The following SP4 variants were observed in gnomAD, a reference collection of about 807,000 sequenced individuals.
The protein encoded by SP4 is Sp4 transcription factor.
A neutral mutation model predicts 72.8 loss-of-function variants in SP4; 19 were observed. That is an observed-to-expected ratio of 0.26 (90% CI 0.18 to 0.38). SP4 has a LOEUF of 0.38. Ranked by LOEUF, SP4 falls within the 10% of genes least tolerant of loss-of-function variation. SP4 has a pLI of 1.00. For missense variants in SP4, 1,008 were observed against 926.3 expected (o/e 1.09, Z -1.14); for synonymous variants, 395 against 333.1 (o/e 1.19, Z -2.02).
At chr7:21,456,026 A>C (rs1783753916) in intron 3 of SP4, among the ~76,000 whole-genome samples, 2 of 152,152 alleles carry the variant, frequency 1.3e-5, no homozygotes, top group Admixed American at 6.5e-5. Context: ...AGGCTACAGG[A>C]GGAAGTGGGA....
At position 21,512,196 on chromosome 7, in the gene SP4, A is replaced by C. The variant is rs945160323; in HGVS notation, c.*927A>C. On this transcript the variant is annotated 3_prime_UTR_variant, in exon 6 of 6. Transcript: ENST00000222584. The stretch of plus-strand genomic sequence containing the variant: ...GTTTCATATTTTGTAAATATGAGTT[A>C]TGTTGACAATGTGCAGAATTCTTTA... The C allele has an allele frequency of 1.3e-5, 2 of 152,646 alleles. No individual in the cohort carries two copies. The allele number at this position is 152,646 out of a possible 1,614,324, so 9.5% of individuals were successfully genotyped here.
At chr7:21,453,929 C>A (rs1376460125) in intron 3 of SP4, among the ~76,000 whole-genome samples, 1 of 152,180 alleles carries the variant, frequency 6.6e-6, no homozygotes, top group Non-Finnish European at 1.5e-5. Context: ...TAAAATAATT[C>A]TTTAACTCCC....
intron 3 of SP4, among the ~76,000 whole-genome samples, chr7:21,434,241 A>G (rs898020481): frequency 1.3e-5 from 2 of 152,224 alleles, no homozygotes; most frequent in Admixed American, 6.5e-5. Flanking sequence ...CTCAAGGACA[A>G]TGAGCTAAAA....
At chr7:21,501,868 G>C (rs1781871490) in intron 5 of SP4, among the ~76,000 whole-genome samples, 1 of 152,104 alleles carries the variant, frequency 6.6e-6, no homozygotes, top group Non-Finnish European at 1.5e-5. Flanking sequence ...TTTGGCTGAT[G>C]GCATTTAGCT....
Position 21,475,096 on chromosome 7 carries a change from C to A in SP4, c.1679-1983C>A, listed in dbSNP as rs928903575. Among the ~76,000 whole-genome samples the A allele has an allele frequency of 4.0e-5, 6 of 151,736 alleles. No homozygotes were observed. In the South Asian group the frequency reaches 1.1e-3, roughly 27 times the overall value. ...TGCAGCTTTGAAATAACCTCCCCCA[C>A]CCTTTTTTTGTTTTTTGTTTTTTGT... On this transcript the variant is annotated intron_variant, in intron 3 of 5. Transcript: ENST00000222584.
intron 5 of SP4, among the ~76,000 whole-genome samples, chr7:21,498,359 A>G (rs932371867): frequency 6.6e-6 from 1 of 152,208 alleles, no homozygotes; most frequent in East Asian, 1.9e-4. Flanking sequence ...TTGGGGATCT[A>G]CGGGGTCCTG....
chr7:21,513,295 G>GA lies in SP4; in HGVS notation c.*2036dup, dbSNP rs140715082. On this transcript the variant is annotated 3_prime_UTR_variant, in exon 6 of 6. Transcript: ENST00000222584. ...GTATAAAAAAGCTTTGAGATTAAAG[G>GA]AAAAAAAAAATTTTTACACTGTGGT... 0.015 allele frequency: 2,226 copies of GA among 150,744 alleles called. 47 individuals carry two copies. Among genetic ancestry groups the GA allele is most frequent in the African/African-American group, 0.05 (2,073 of 41,094 alleles). 9.3% of individuals were successfully genotyped at this position (150,744 alleles called of 1,614,324 possible). A position where few individuals can be genotyped will look rare whatever the true frequency, so the allele number is the denominator to read the frequency against.
In SP4 at chr7:21,513,734, G is replaced by T. The variant is rs1452026832; in HGVS notation, c.*2465G>T. On this transcript the variant is annotated 3_prime_UTR_variant, in exon 6 of 6. Coordinates refer to ENST00000222584, the MANE Select transcript of SP4 (RefSeq NM_003112.5). ...AACCTATGTATGTCCATTAGAAATG[G>T]AAGTTATTTTTTAATCAACAATGAG... 1.3e-5 allele frequency: 2 copies of T among 152,116 alleles called. No individual in the cohort carries two copies. The highest frequency in any genetic ancestry group is 2.9e-5 in the Non-Finnish European group (2 of 68,004). 9.4% of individuals were successfully genotyped at this position (152,116 alleles called of 1,614,324 possible).
intron 3 of SP4, among the ~76,000 whole-genome samples, 162 bp from the exon 4 acceptor site, chr7:21,476,917 A>G (rs139643410): frequency 9.2e-4 from 140 of 152,336 alleles, no homozygotes; most frequent in African/African-American, 3.0e-3. Flanking sequence ...TAAGAATACT[A>G]TATTTTAGAA....
intron 5 of SP4, among the ~76,000 whole-genome samples, chr7:21,484,202 G>A (rs1784757601): frequency 1.3e-5 from 2 of 151,874 alleles, no homozygotes; most frequent in African/African-American, 4.8e-5. Flanking sequence ...AAATGCTTGG[G>A]ACTAGAAATG....
chr7:21,459,709 CT>C (rs954357946), intron 3 of SP4, among the ~76,000 whole-genome samples: 2 of 152,202 alleles, frequency 1.3e-5, no homozygotes, highest in African/African-American at 4.8e-5. Flanking sequence ...TGGAAGATTG[CT>C]TTTTACCGTT....
intron 3 of SP4, among the ~76,000 whole-genome samples, chr7:21,459,971 T>C (rs1254294035): frequency 6.6e-6 from 1 of 152,124 alleles, no homozygotes; most frequent in Non-Finnish European, 1.5e-5. Flanking sequence ...TGGCATATGC[T>C]AAAAGAGAGA....
At chr7:21,445,986 G>C (rs1000267279) in intron 3 of SP4, among the ~76,000 whole-genome samples, 2 of 84,744 alleles carry the variant, frequency 2.4e-5, no homozygotes, top group African/African-American at 1.3e-4. Flanking sequence ...TATCTTATGT[G>C]TATGTGTGTG....
At chr7:21,450,222 G>T (rs1783547697) in intron 3 of SP4, among the ~76,000 whole-genome samples, 1 of 151,932 alleles carries the variant, frequency 6.6e-6, no homozygotes, top group African/African-American at 2.4e-5. Context: ...CTGTTTTTAT[G>T]GTAAATTTGA....
chr7:21,488,311 A>T (rs536828022), intron 5 of SP4, among the ~76,000 whole-genome samples: 1 of 151,978 alleles, frequency 6.6e-6, no homozygotes, highest in Non-Finnish European at 1.5e-5. Flanking sequence ...CAATTTTTTG[A>T]TAGTAGTTAT....
intron 4 of SP4, among the ~76,000 whole-genome samples, chr7:21,478,172 A>G (rs549292247): frequency 6.6e-6 from 1 of 152,320 alleles, no homozygotes; most frequent in Non-Finnish European, 1.5e-5. Context: ...TCAAGGTTCA[A>G]CCATATTACA....
intron 3 of SP4, among the ~76,000 whole-genome samples, chr7:21,443,497 T>A (rs1200694507): frequency 1.3e-5 from 2 of 149,126 alleles, no homozygotes; most frequent in Non-Finnish European, 2.9e-5. Flanking sequence ...CCCTCTGATA[T>A]TATTATGTAG....
At chr7:21,461,951 A>G (rs1468049199) in intron 3 of SP4, among the ~76,000 whole-genome samples, 1 of 152,178 alleles carries the variant, frequency 6.6e-6, no homozygotes, top group Non-Finnish European at 1.5e-5. Context: ...GACAGGTGAA[A>G]AGGGTATGTG....
chr7:21,476,479 T>C (rs1168436155), intron 3 of SP4, among the ~76,000 whole-genome samples: 3 of 152,150 alleles, frequency 2.0e-5, no homozygotes, highest in Non-Finnish European at 1.5e-5. Flanking sequence ...TAAATGTCTT[T>C]TTATGATTAC....
Sources: allele counts gnomAD v4.1 joint callset (sites outside exome capture counted in the v4.1 genomes callset), GRCh38; gene constraint gnomAD v4.1.1; transcripts MANE v1.5; gene names NCBI Gene and HGNC (gene_info 2026-07-23, HGNC 2026-07-21).